Variants in HERC6 observed in about 807,000 individuals in gnomAD.
The protein encoded by HERC6 is probable E3 ubiquitin-protein ligase HERC6.
A neutral mutation model predicts 114.5 loss-of-function variants in HERC6; 101 were observed. That is an observed-to-expected ratio of 0.88 (90% CI 0.75 to 1.04). The LOEUF (loss-of-function observed/expected upper bound fraction) is 1.04, where lower values mean the gene tolerates loss of function less well. HERC6 is among the 50% of genes least tolerant of loss of function. The pLI, the probability that HERC6 is intolerant of heterozygous loss-of-function variation, is 0.00. For missense variants in HERC6, 1,133 were observed against 1,230.9 expected (o/e 0.92, Z 1.19); for synonymous variants, 408 against 436.2 (o/e 0.94, Z 0.81).
chr4:88,405,950 T>C (rs1195336361), intron 10 of HERC6, among the ~76,000 whole-genome samples: 1 of 152,238 alleles, frequency 6.6e-6, no homozygotes, highest in Non-Finnish European at 1.5e-5. Flanking sequence ...GAGTACACTT[T>C]ACAATTTTTA....
At chr4:88,436,418 T>C (rs1008474800) in intron 18 of HERC6, among the ~76,000 whole-genome samples, 1 of 152,212 alleles carries the variant, frequency 6.6e-6, no homozygotes, top group African/African-American at 2.4e-5. Flanking sequence ...GAGAATATAT[T>C]GGCTAGATGT....
chr4:88,423,755 T>C (rs1737309091), intron 13 of HERC6, 105 bp from the exon 14 acceptor site: 1 of 454,588 alleles, frequency 2.2e-6, no homozygotes, highest in Non-Finnish European at 3.9e-6. Context: ...TTTAGAGAGC[T>C]TTCTTCTTCT....
intron 10 of HERC6, among the ~76,000 whole-genome samples, chr4:88,405,978 A>T (rs1346976645): frequency 3.3e-5 from 5 of 152,212 alleles, no homozygotes; most frequent in Admixed American, 3.3e-4. Context: ...TGATCAATTA[A>T]AAAATAGATC....
intron 3 of HERC6, 140 bp from the exon 4 acceptor site, chr4:88,390,512 T>C (rs1275303788): frequency 1.4e-6 from 1 of 735,362 alleles, no homozygotes; most frequent in Non-Finnish European, 2.2e-6. Context: ...CATCATATTG[T>C]ATACCTTAAA....
chr4:88,398,569 T>TCC (rs1735371297), intron 8 of HERC6: 1 of 163,530 alleles, frequency 6.1e-6, no homozygotes, highest in African/African-American at 2.4e-5. Flanking sequence ...GAAGGAAGGG[T>TCC]TTCTGACATG....
chr4:88,418,409 G>A lies in HERC6; in HGVS notation c.1713+830G>A, dbSNP rs867614153. On this transcript the variant is annotated intron_variant, in intron 13 of 22. Coordinates refer to ENST00000264346, the MANE Select transcript of HERC6 (RefSeq NM_017912.4). ...AAGCCCAGCTTGATGAGTAGATGTTGTCTATTAGGACTTACATACAGGGCA... is the reference window on the plus strand; with the variant it reads ...AAGCCCAGCTTGATGAGTAGATGTTATCTATTAGGACTTACATACAGGGCA... Among the ~76,000 whole-genome samples the A allele has an allele frequency of 5.3e-5, 8 of 152,294 alleles. No individual in the cohort carries two copies. In the South Asian group the frequency reaches 1.2e-3, roughly 24 times the overall value.
rs1274381240 is a variant in HERC6 at position 88,442,291 on chromosome 4, T to C, written c.2900T>C (p.Val967Ala). Reference sequence around the variant, plus strand: ...AGAGGCATACAGAAAATGGAAATAGTATTTCGCTGTCCTGAAACTTTCAGT... The same window carrying C: ...AGAGGCATACAGAAAATGGAAATAGCATTTCGCTGTCCTGAAACTTTCAGT... ...HARGIQKMEI[V>A]FRCPETFSER... Residue 967 changes from valine (V) to alanine (A), a missense_variant, in exon 23 of 23, where the codon GTA becomes GCA. Val to Ala is a moderately conservative substitution (Grantham distance 64). Transcript: ENST00000264346. 1 of 1,613,582 alleles carries C rather than the reference T, an allele frequency of 6.2e-7. No individual in the cohort carries two copies. Among genetic ancestry groups the C allele is most frequent in the Non-Finnish European group, 8.5e-7 (1 of 1,179,774 alleles).
chr4:88,427,044 A>G lies in HERC6; in HGVS notation c.1936-1536A>G, dbSNP rs78801500. Among the ~76,000 whole-genome samples, 703 of 152,258 alleles carry G rather than the reference A, an allele frequency of 4.6e-3. 35 individuals carry two copies. In the East Asian group the frequency reaches 0.11, roughly 23 times the overall value. On this transcript the variant is annotated intron_variant, in intron 15 of 22. Transcript: ENST00000264346. ...TGAGTAGTCGAGGGTTGAGTGAATA[A>G]TGGACTCGGGCAGATTGCACATTAT...
intron 4 of HERC6, among the ~76,000 whole-genome samples, chr4:88,392,924 G>C (rs1026488654): frequency 2.6e-5 from 4 of 152,086 alleles, no homozygotes; most frequent in Non-Finnish European, 4.4e-5. Flanking sequence ...TTTGCCTTTA[G>C]AAGTTCCCCC....
At chr4:88,389,684 C>T (rs76072385) in intron 3 of HERC6, among the ~76,000 whole-genome samples, 5,974 of 149,272 alleles carry the variant, frequency 0.04, 624 homozygotes, top group East Asian at 0.38. Flanking sequence ...GCCCCGCTTG[C>T]CTTTAGTTGG....
intron 8 of HERC6, among the ~76,000 whole-genome samples, chr4:88,403,785 A>T (rs948129435): frequency 9.9e-5 from 15 of 151,988 alleles, no homozygotes; most frequent in South Asian, 2.1e-4. Flanking sequence ...AAAATAAAAA[A>T]AATTTTAAAA....
intron 17 of HERC6, among the ~76,000 whole-genome samples, chr4:88,434,313 C>A (rs1442391360): frequency 6.6e-6 from 1 of 152,200 alleles, no homozygotes; most frequent in Non-Finnish European, 1.5e-5. Context: ...TTCTGCTCTG[C>A]CTGCTTTGCA....
intron 13 of HERC6, among the ~76,000 whole-genome samples, chr4:88,419,277 G>T (rs1337538745): frequency 6.6e-6 from 1 of 152,176 alleles, no homozygotes; most frequent in East Asian, 1.9e-4. Flanking sequence ...CACCAAGAAT[G>T]CAAAGTCTGT....
intron 12 of HERC6, among the ~76,000 whole-genome samples, chr4:88,413,552 A>G (rs1436314069): frequency 6.6e-6 from 1 of 152,220 alleles, no homozygotes; most frequent in Non-Finnish European, 1.5e-5. Flanking sequence ...TTTGGTAGCT[A>G]TAAAGTATTC....
At chr4:88,411,787 G>A (rs1203986202) in intron 11 of HERC6, among the ~76,000 whole-genome samples, 5 of 152,166 alleles carry the variant, frequency 3.3e-5, no homozygotes, top group Non-Finnish European at 7.3e-5. Context: ...TAGGCCCTGG[G>A]GCTGTAAAAT....
chr4:88,400,906 TG>T (rs1269749070), intron 8 of HERC6, among the ~76,000 whole-genome samples: 1 of 152,108 alleles, frequency 6.6e-6, no homozygotes, highest in Admixed American at 6.6e-5. Context: ...AGGCATCCAC[TG>T]GGGGTCTTGG....
Position 88,417,465 on chromosome 4 carries a change from G to T in HERC6, c.1599G>T (p.Pro533=), listed in dbSNP as rs376755325. 1.4e-5 allele frequency: 22 copies of T among 1,610,534 alleles called. No individual in the cohort carries two copies. Among genetic ancestry groups the T allele is most frequent in the African/African-American group, 8.0e-5 (6 of 74,868 alleles). The part of the protein sequence containing the change: ...WAFLQESSLN[P]LIQMLKAAII... The stretch of plus-strand genomic sequence containing the variant: ...TTTTGCAAGAATCTTCTCTGAATCC[G>T]CTGATCCAGATGCTTAAAGCAGCCA... The change falls in exon 13 of 23, where the codon CCG becomes CCT. Residue 533 remains proline (P), a synonymous_variant. Coordinates refer to ENST00000264346, the MANE Select transcript of HERC6 (RefSeq NM_017912.4).
At chr4:88,430,569 C>G (rs1220377523) in intron 16 of HERC6, among the ~76,000 whole-genome samples, 3 of 141,238 alleles carry the variant, frequency 2.1e-5, no homozygotes, top group Non-Finnish European at 4.5e-5. Context: ...GACTCCATCT[C>G]AAATAAATAA....
chr4:88,417,321 A>G (rs1180416105), intron 12 of HERC6, 104 bp from the exon 13 acceptor site: 2 of 1,039,840 alleles, frequency 1.9e-6, no homozygotes, highest in Admixed American at 5.3e-5. Context: ...GCCATCAGAA[A>G]TGTAAAATAT....
Sources: allele counts gnomAD v4.1 joint callset (sites outside exome capture counted in the v4.1 genomes callset), GRCh38; gene constraint gnomAD v4.1.1; transcripts MANE v1.5; gene names NCBI Gene and HGNC (gene_info 2026-07-23, HGNC 2026-07-21).